VPS13C: variants seen among roughly 807,000 people sequenced by gnomAD.
VPS13C encodes vacuolar protein sorting 13 homolog C.
A neutral mutation model predicts 456.8 loss-of-function variants in VPS13C; 358 were observed. The ratio of observed to expected loss-of-function variants is 0.78; its 90% CI spans 0.72 to 0.86. VPS13C has a LOEUF of 0.86. Among genes scored for constraint, VPS13C ranks in the 40% least tolerant of loss-of-function variants. The pLI is 0.00. For missense variants in VPS13C, 4,818 were observed against 4,385.4 expected (o/e 1.10, Z -2.79); for synonymous variants, 1,578 against 1,486.7 (o/e 1.06, Z -1.41).
intron 40 of VPS13C, 144 bp from the exon 41 acceptor site, chr15:61,950,561 A>C: frequency 1.5e-6 from 1 of 687,206 alleles, no homozygotes; most frequent in Non-Finnish European, 2.4e-6. Context: ...CATTCAAAAA[A>C]AAAAAACAAA....
Position 61,920,236 on chromosome 15 carries a change from C to T in VPS13C, c.7308G>A (p.Val2436=). 1 of 1,613,610 alleles carries T rather than the reference C, an allele frequency of 6.2e-7. No individual in the cohort carries two copies. Residue 2436 remains valine (V), a synonymous_variant, in exon 57 of 85, where the codon GTG becomes GTA. Coordinates refer to ENST00000644861, the MANE Select transcript of VPS13C (RefSeq NM_020821.3). The part of the protein sequence containing the change: ...VKNAVGVPIK[V]KPNCNLRVMG... ...TTACTCTGAGATTACAATTGGGCTT[C>T]ACCTTAATGGGAACACCTACAGCAT...
chr15:62,015,107 A>G (rs757047900), intron 9 of VPS13C, among the ~76,000 whole-genome samples: 9 of 152,166 alleles, frequency 5.9e-5, no homozygotes, highest in Non-Finnish European at 1.0e-4. Context: ...TGTCTGCTAG[A>G]AGCTCAAAGT....
chr15:61,865,015 T>A, intron 81 of VPS13C: 2 of 984,544 alleles, frequency 2.0e-6, no homozygotes, highest in Non-Finnish European at 2.4e-6. Flanking sequence ...ATATAATTTA[T>A]CACCATAATA....
intron 65 of VPS13C, among the ~76,000 whole-genome samples, chr15:61,908,072 C>T (rs963427353): frequency 2.6e-5 from 4 of 152,162 alleles, no homozygotes; most frequent in African/African-American, 9.7e-5. Flanking sequence ...TCCTGGGTCC[C>T]ATCCAAAACC....
chr15:62,024,423 T>G (rs1421205711), intron 6 of VPS13C, among the ~76,000 whole-genome samples: 1 of 152,024 alleles, frequency 6.6e-6, no homozygotes, highest in Admixed American at 6.6e-5. Context: ...TAAAACCTCA[T>G]TCTCTTTCAA....
chr15:61,915,340 C>T (rs2043435649), intron 61 of VPS13C, among the ~76,000 whole-genome samples: 2 of 152,194 alleles, frequency 1.3e-5, no homozygotes, highest in South Asian at 4.1e-4. Context: ...CATTTCATCA[C>T]TGGTAAAGTA....
At chr15:61,929,791 C>T in intron 50 of VPS13C, 43 bp from the exon 51 acceptor site, 1 of 1,536,306 alleles carries the variant, frequency 6.5e-7, no homozygotes, top group Non-Finnish European at 8.8e-7. Context: ...CTTGCTAAAA[C>T]AATAAAAAAG....
intron 42 of VPS13C, among the ~76,000 whole-genome samples, chr15:61,948,636 T>A (rs994437122): frequency 2.0e-5 from 3 of 150,890 alleles, no homozygotes; most frequent in Non-Finnish European, 1.5e-5. Context: ...TGAGCCAAGA[T>A]CACATCACTG....
chr15:61,963,842 C>G lies in VPS13C; in HGVS notation c.3324G>C (p.Lys1108Asn). ...TGCCGTGTGAACTTTTACCTTGAAT[C>G]TTGATTTCGGCGATATTGTTCTTTT... The part of the protein sequence containing the change: ...CNEKNNIAEI[K>N]IQGLDSSLSL... The change falls in exon 32 of 85, where the codon AAG becomes AAC. Residue 1108 changes from lysine (K) to asparagine (N), a missense_variant. By Grantham distance (94) the Lys-to-Asn change is moderately conservative. This residue lies in a region of VPS13C where 4,552 missense variants were observed against 4,130.6 expected (regional missense o/e 1.10). Coordinates refer to ENST00000644861, the MANE Select transcript of VPS13C (RefSeq NM_020821.3). 6.2e-7 allele frequency: 1 copy of G among 1,606,626 alleles called. No individual in the cohort carries two copies. The highest frequency in any genetic ancestry group is 1.1e-5 in the South Asian group (1 of 89,516).
In VPS13C at chr15:61,921,437, A is replaced by C. The variant is rs139852492; in HGVS notation, c.7062+510T>G. ...ACAACATAAAAAGATAACACACAAG[A>C]GTTCATTAACAATTCTCAAATATTC... is the stretch of plus-strand genomic sequence containing the variant. On this transcript the variant is annotated intron_variant, in intron 55 of 84. Coordinates refer to ENST00000644861, the MANE Select transcript of VPS13C (RefSeq NM_020821.3). Among the ~76,000 whole-genome samples, 183 of 152,212 alleles carry C rather than the reference A, an allele frequency of 1.2e-3. 1 individual carries two copies. The highest frequency in any genetic ancestry group is 4.2e-3 in the African/African-American group (176 of 41,570).
At chr15:61,962,144 A>C (rs1475825895) in intron 34 of VPS13C, among the ~76,000 whole-genome samples, 2 of 152,160 alleles carry the variant, frequency 1.3e-5, no homozygotes, top group Admixed American at 6.6e-5. Context: ...ATACTAAAGA[A>C]TCTGGCTTCA....
rs2044585394 is a variant in VPS13C at position 61,945,837 on chromosome 15, G to C, written c.5026C>G (p.Leu1676Val). Reference sequence around the variant, plus strand: ...TCTCCTTCTGTGGCATCTGGATAAAGAGTCAGTTGGAACCTAAAGACTTCA... The same window carrying C: ...TCTCCTTCTGTGGCATCTGGATAAACAGTCAGTTGGAACCTAAAGACTTCA... ...GDEVFRFQLT[L>V]YPDATEGEAY... is the part of the protein sequence containing the mutation. The change falls in exon 45 of 85, where the codon CTT becomes GTT. Residue 1676 changes from leucine to valine, a missense_variant. Physicochemically the swap from Leu to Val is conservative, Grantham distance 32. Around this residue, in one of 3 missense-constraint regions of VPS13C, gnomAD observed 4,552 missense variants for 4,130.6 expected, o/e 1.10. Coordinates refer to ENST00000644861, the MANE Select transcript of VPS13C (RefSeq NM_020821.3). 1.2e-6 allele frequency: 2 copies of C among 1,612,640 alleles called. No individual in the cohort carries two copies. Among genetic ancestry groups the C allele is most frequent in the East Asian group, 2.2e-5 (1 of 44,810 alleles).
rs774878557 is a variant in VPS13C at position 61,875,756 on chromosome 15, T to C, written c.10314A>G (p.Glu3438=). 6.2e-7 allele frequency: 1 copy of C among 1,611,036 alleles called. No individual in the cohort carries two copies. The highest frequency in any genetic ancestry group is 1.1e-5 in the South Asian group (1 of 90,602). The change falls in exon 76 of 85, where the codon GAA becomes GAG. Residue 3438 remains glutamate (E), a synonymous_variant. Coordinates refer to ENST00000644861, the MANE Select transcript of VPS13C (RefSeq NM_020821.3). The part of the protein sequence containing the change: ...GLIRGLSEGV[E]ALFYEPFQGA... ...CCTGGAAGGGTTCATAGAATAAAGC[T>C]TCAACTCCTTCAGACAGACCTCTAA...
intron 35 of VPS13C, 83 bp downstream of exon 35, chr15:61,961,506 T>G: frequency 7.5e-7 from 1 of 1,327,354 alleles, no homozygotes; most frequent in Non-Finnish European, 1.0e-6. Context: ...GAATAAACTG[T>G]GTTGGGTAGG....
chr15:61,914,614 C>A (rs1309968409), intron 61 of VPS13C, among the ~76,000 whole-genome samples: 4 of 151,174 alleles, frequency 2.6e-5, no homozygotes, highest in African/African-American at 9.7e-5. Flanking sequence ...GGCTGGAGTG[C>A]AATGGTGCAG....
intron 66 of VPS13C, among the ~76,000 whole-genome samples, chr15:61,898,546 G>A (rs1276156392): frequency 6.6e-6 from 1 of 152,148 alleles, no homozygotes; most frequent in Non-Finnish European, 1.5e-5. Flanking sequence ...TCAACAAGAA[G>A]AGCTAACTTT....
chr15:61,944,508 A>G (rs2044539717), intron 45 of VPS13C, among the ~76,000 whole-genome samples: 2 of 152,200 alleles, frequency 1.3e-5, no homozygotes, highest in Non-Finnish European at 2.9e-5. Flanking sequence ...GCTGGAGGCC[A>G]TTATCCTAAG....
intron 18 of VPS13C, among the ~76,000 whole-genome samples, chr15:61,985,885 T>C (rs1197912551): frequency 2.0e-5 from 3 of 152,050 alleles, no homozygotes; most frequent in Non-Finnish European, 4.4e-5. Flanking sequence ...GAAGCTAGGC[T>C]AGCAGGGTCA....
Position 61,984,051 on chromosome 15 carries a change from G to A in VPS13C, c.1722-39C>T, listed in dbSNP as rs751629900. The A allele has an allele frequency of 2.5e-6, 4 of 1,573,064 alleles. No individual in the cohort carries two copies. In the East Asian group the frequency reaches 9.0e-5, roughly 35 times the overall value. ...AAGAACAAGGAAAGATGCAGACAAGGTCTTTTGTAATCTAATGGACTAAAA... is the reference window on the plus strand; with the variant it reads ...AAGAACAAGGAAAGATGCAGACAAGATCTTTTGTAATCTAATGGACTAAAA... On this transcript the variant is annotated intron_variant, in intron 19 of 84. Transcript: ENST00000644861.
Sources: gnomAD v4.1 joint callset for allele counts (sites outside exome capture counted in the v4.1 genomes callset) on GRCh38, gnomAD v4.1.1 for gene constraint, gnomAD v4.1.1 regional missense constraint, MANE v1.5 for transcripts, NCBI Gene and HGNC (gene_info 2026-07-23, HGNC 2026-07-21) for gene names.